SOX6: variants seen among roughly 807,000 people sequenced by gnomAD.
The protein encoded by SOX6 is transcription factor SOX-6.
SOX6 carries 11 observed loss-of-function variants against 97.8 expected under a neutral mutation model. That is an observed-to-expected ratio of 0.11 (90% confidence interval 0.07 to 0.19). SOX6 has a LOEUF of 0.19. Ranked by LOEUF, SOX6 falls within the 10% of genes least tolerant of loss-of-function variation. The probability of loss-of-function intolerance (pLI) is 1.00; values close to 1 mark genes in which losing one functional copy is unlikely to be tolerated. For missense variants in SOX6, 810 were observed against 1,039.5 expected (o/e 0.78, Z 3.04); for synonymous variants, 360 against 371.4 (o/e 0.97, Z 0.35).
At chr11:16,247,431 T>C (rs1853370706) in intron 3 of SOX6, among the ~76,000 whole-genome samples, 1 of 152,182 alleles carries the variant, frequency 6.6e-6, no homozygotes, top group African/African-American at 2.4e-5. Flanking sequence ...ATTCTCATGC[T>C]GCTGTAAAGA....
intron 1 of SOX6, among the ~76,000 whole-genome samples, chr11:16,369,781 G>A (rs1370638999): frequency 6.6e-6 from 1 of 152,062 alleles, no homozygotes; most frequent in African/African-American, 2.4e-5. Context: ...TCTCTGCCTT[G>A]TGATGCTGGG....
chr11:15,966,733 T>G lies in SOX6; in HGVS notation c.*6076A>C, dbSNP rs915611324. 1 of 152,198 alleles carries G rather than the reference T, an allele frequency of 6.6e-6. No individual in the cohort carries two copies. Among genetic ancestry groups the G allele is most frequent in the African/African-American group, 2.4e-5 (1 of 41,452 alleles). The allele number at this position is 152,198 out of a possible 1,614,324, so 9.4% of individuals were successfully genotyped here. On this transcript the variant is annotated 3_prime_UTR_variant, in exon 16 of 16. Coordinates refer to ENST00000683767, the MANE Select transcript of SOX6 (RefSeq NM_001367873.1). ...CAGGATAGATAAAGACAGTGTGTCTTTCAATTTTGTCTTTTCCCTTAATTA... is the reference window on the plus strand; with the variant it reads ...CAGGATAGATAAAGACAGTGTGTCTGTCAATTTTGTCTTTTCCCTTAATTA...
At chr11:16,410,801 G>T (rs1858793471) in intron 1 of SOX6, among the ~76,000 whole-genome samples, 2 of 147,002 alleles carry the variant, frequency 1.4e-5, no homozygotes, top group Middle Eastern at 7.2e-3. Context: ...GTATGAACAA[G>T]GACTGGAAAT....
At chr11:16,604,975 G>C (rs12794768) in intron 4 of SOX6, among the ~76,000 whole-genome samples, 25,174 of 152,062 alleles carry the variant, frequency 0.17, 2,180 homozygotes, top group Non-Finnish European at 0.18. Context: ...CGCTCCTCCC[G>C]GCATCGGAGC....
intron 12 of SOX6, among the ~76,000 whole-genome samples, chr11:16,030,677 T>A (rs959454018): frequency 6.6e-6 from 1 of 152,192 alleles, no homozygotes; most frequent in Non-Finnish European, 1.5e-5. Context: ...CCATCTACAT[T>A]TAGCTAATCC....
chr11:16,022,366 C>CCTTCCTTT (rs1855089671), intron 12 of SOX6, among the ~76,000 whole-genome samples: 1 of 148,140 alleles, frequency 6.8e-6, no homozygotes, highest in South Asian at 2.2e-4. Context: ...TTCCTTCCTT[C>CCTTCCTTT]CTTCCTTCCT....
intron 9 of SOX6, among the ~76,000 whole-genome samples, chr11:16,077,050 G>A (rs1378901851): frequency 1.3e-5 from 2 of 152,028 alleles, no homozygotes; most frequent in African/African-American, 4.8e-5. Flanking sequence ...ACCGCGCCCG[G>A]CCGGTACTAC....
At chr11:16,014,873 A>G (rs1183897468) in intron 13 of SOX6, 69 bp downstream of exon 13, 5 of 1,416,058 alleles carry the variant, frequency 3.5e-6, no homozygotes, top group Non-Finnish European at 5.0e-6. Flanking sequence ...TAAAGATCCT[A>G]TATCTAGCTC....
intron 4 of SOX6, among the ~76,000 whole-genome samples, chr11:16,524,502 A>G (rs1238599507): frequency 5.3e-5 from 8 of 152,138 alleles, no homozygotes; most frequent in Admixed American, 2.0e-4. Context: ...AGAGCTATCT[A>G]TGACAAACCC....
chr11:16,000,236 T>C (rs575943682), intron 13 of SOX6, among the ~76,000 whole-genome samples: 3 of 152,356 alleles, frequency 2.0e-5, no homozygotes, highest in South Asian at 4.1e-4. Flanking sequence ...AGTGGTTTGT[T>C]TGGCAGGCAA....
At chr11:16,450,111 A>G (rs2133095104) in intron 1 of SOX6, among the ~76,000 whole-genome samples, 1 of 152,322 alleles carries the variant, frequency 6.6e-6, no homozygotes, top group South Asian at 2.1e-4. Context: ...GAAACTGCCT[A>G]CAAATAGACC....
intron 3 of SOX6, among the ~76,000 whole-genome samples, chr11:16,296,742 A>G (rs569776330): frequency 4.6e-5 from 7 of 152,270 alleles, no homozygotes; most frequent in African/African-American, 1.7e-4. Flanking sequence ...ATGGTAGGAA[A>G]TGCCCATTTC....
chr11:16,165,106 G>A (rs1850853045), intron 6 of SOX6, among the ~76,000 whole-genome samples: 2 of 152,162 alleles, frequency 1.3e-5, no homozygotes, highest in African/African-American at 2.4e-5. Context: ...GTTCCAGCAA[G>A]TGTTACTGTT....
chr11:15,974,514 A>G (rs1853412183), intron 15 of SOX6, among the ~76,000 whole-genome samples: 1 of 146,414 alleles, frequency 6.8e-6, no homozygotes, highest in Non-Finnish European at 1.5e-5. Flanking sequence ...AGCATTAGGT[A>G]TATCTCCCAA....
At chr11:16,169,899 C>A (rs1850986344) in intron 6 of SOX6, among the ~76,000 whole-genome samples, 1 of 144,436 alleles carries the variant, frequency 6.9e-6, no homozygotes, top group Non-Finnish European at 1.5e-5. Context: ...TAAAATACAC[C>A]CTTGTAATTT....
At chr11:16,349,715 A>AGGAGGAAG (rs369882029) in intron 1 of SOX6, among the ~76,000 whole-genome samples, 1 of 41,730 alleles carries the variant, frequency 2.4e-5, no homozygotes, top group African/African-American at 9.1e-5. Flanking sequence ...GAAGGAAGGA[A>AGGAGGAAG]GAAGGAAGGA....
chr11:16,641,192 G>A (rs972925484), intron 3 of SOX6, among the ~76,000 whole-genome samples: 6 of 152,162 alleles, frequency 3.9e-5, no homozygotes, highest in Non-Finnish European at 7.3e-5. Flanking sequence ...AGGAGCAGGT[G>A]TTCAGTTTCC....
chr11:16,346,260 G>C (rs1426299678), intron 1 of SOX6, among the ~76,000 whole-genome samples: 1 of 151,950 alleles, frequency 6.6e-6, no homozygotes, highest in Non-Finnish European at 1.5e-5. Flanking sequence ...CTCATCTTAA[G>C]GAACATGAGT....
At chr11:16,350,496 T>G (rs1020380680) in intron 1 of SOX6, among the ~76,000 whole-genome samples, 1 of 152,198 alleles carries the variant, frequency 6.6e-6, no homozygotes, top group Non-Finnish European at 1.5e-5. Flanking sequence ...ACACTTCTTA[T>G]AAGCTCAGCA....
Sources: gnomAD v4.1 joint callset for allele counts (sites outside exome capture counted in the v4.1 genomes callset) on GRCh38, gnomAD v4.1.1 for gene constraint, MANE v1.5 for transcripts, NCBI Gene and HGNC (gene_info 2026-07-23, HGNC 2026-07-21) for gene names.